Variants in NYAP2 observed in about 807,000 individuals in gnomAD.
NYAP2 encodes the protein neuronal tyrosine-phosphorylated phosphoinositide-3-kinase adaptor 2.
In NYAP2, 23 loss-of-function variants were observed where a neutral mutation model predicts 50.4. That is an observed-to-expected ratio of 0.46 (90% confidence interval 0.33 to 0.65). The LOEUF (loss-of-function observed/expected upper bound fraction) is 0.65, where lower values mean the gene tolerates loss of function less well. Ranked by LOEUF, NYAP2 falls within the 30% of genes least tolerant of loss-of-function variation. NYAP2 has a pLI of 0.02. For missense variants in NYAP2, 885 were observed against 861.0 expected (o/e 1.03, Z -0.35); for synonymous variants, 394 against 365.2 (o/e 1.08, Z -0.90).
rs138082735 is a variant in NYAP2 at position 225,410,892 on chromosome 2, G to C, written c.221+1791G>C. On this transcript the variant is annotated intron_variant, in intron 3 of 6. Coordinates refer to ENST00000636099, the Ensembl canonical transcript of NYAP2. ...GTAGACGGAGACACAGCAAAACCCT[G>C]TCATTACATAATAAGTGAGGTCTAA... Among the ~76,000 whole-genome samples the C allele has an allele frequency of 5.9e-5, 9 of 152,228 alleles. No individual in the cohort carries two copies. In the East Asian group the frequency reaches 1.7e-3, roughly 29 times the overall value.
chr2:225,624,386 A>G (rs1327900206), intron 5 of NYAP2, among the ~76,000 whole-genome samples: 1 of 152,172 alleles, frequency 6.6e-6, no homozygotes, highest in Non-Finnish European at 1.5e-5. Context: ...AAAGGTGTAT[A>G]TTTACTTTTC....
intron 4 of NYAP2, among the ~76,000 whole-genome samples, chr2:225,576,987 C>G (rs1186706461): frequency 2.0e-5 from 3 of 151,540 alleles, no homozygotes; most frequent in South Asian, 2.1e-4. Context: ...TCAAGAACAC[C>G]TACAGATACT....
chr2:225,554,533 G>T (rs571974156), intron 4 of NYAP2, among the ~76,000 whole-genome samples: 2 of 151,646 alleles, frequency 1.3e-5, no homozygotes, highest in Non-Finnish European at 2.9e-5. Context: ...CATGTTGGTC[G>T]GGCTGATCTT....
chr2:225,583,766 C>T (rs1692341332), intron 5 of NYAP2, among the ~76,000 whole-genome samples: 1 of 152,154 alleles, frequency 6.6e-6, no homozygotes, highest in African/African-American at 2.4e-5. Flanking sequence ...TGAGGCCAGG[C>T]ATGGTGGCTC....
chr2:225,571,878 A>G (rs189476445), intron 4 of NYAP2, among the ~76,000 whole-genome samples: 2 of 152,290 alleles, frequency 1.3e-5, no homozygotes, highest in East Asian at 3.9e-4. Flanking sequence ...CAGATTTTCC[A>G]AACTTTTATT....
chr2:225,636,648 C>T (rs1693422221), intron 6 of NYAP2, among the ~76,000 whole-genome samples: 1 of 152,138 alleles, frequency 6.6e-6, no homozygotes, highest in South Asian at 2.1e-4. Context: ...TTTCCCATCC[C>T]TTGAATCTGG....
intron 3 of NYAP2, among the ~76,000 whole-genome samples, chr2:225,502,810 C>T (rs1690630706): frequency 6.6e-6 from 1 of 152,190 alleles, no homozygotes; most frequent in African/African-American, 2.4e-5. Context: ...GAGAGAACAT[C>T]TGATCACAAG....
intron 3 of NYAP2, among the ~76,000 whole-genome samples, chr2:225,465,543 C>T (rs979047746): frequency 2.6e-5 from 4 of 152,096 alleles, no homozygotes; most frequent in Non-Finnish European, 4.4e-5. Context: ...AGTGAAACCC[C>T]GTCTCTACTA....
At chr2:225,609,409 C>T (rs1251507905) in intron 5 of NYAP2, among the ~76,000 whole-genome samples, 2 of 152,136 alleles carry the variant, frequency 1.3e-5, no homozygotes, top group Non-Finnish European at 2.9e-5. Flanking sequence ...CAGCTTTCCT[C>T]TTGCCATTTC....
At chr2:225,509,175 C>A (rs1690765563) in intron 3 of NYAP2, among the ~76,000 whole-genome samples, 1 of 152,176 alleles carries the variant, frequency 6.6e-6, no homozygotes, top group South Asian at 2.1e-4. Flanking sequence ...GGTGGAGAGA[C>A]TAATCTCTCA....
exon 5 of NYAP2, chr2:225,583,025 G>A (rs758201076): frequency 1.9e-6 from 3 of 1,610,344 alleles, no homozygotes; most frequent in Non-Finnish European, 2.5e-6. Context: ...GCTCCAAAGA[G>A]CCTGCAGAGA....
chr2:225,531,970 T>A (rs1404447225), intron 4 of NYAP2, among the ~76,000 whole-genome samples: 1 of 152,268 alleles, frequency 6.6e-6, no homozygotes, highest in Admixed American at 6.5e-5. Context: ...TCTTTTACTT[T>A]ATCCAAATAA....
chr2:225,524,361 A>G (rs1691117190), intron 4 of NYAP2, among the ~76,000 whole-genome samples: 1 of 152,180 alleles, frequency 6.6e-6, no homozygotes, highest in African/African-American at 2.4e-5. Context: ...GTCCTTCCAC[A>G]TTCTTCTACC....
intron 5 of NYAP2, among the ~76,000 whole-genome samples, chr2:225,602,098 C>T (rs1422543381): frequency 6.6e-6 from 1 of 152,056 alleles, no homozygotes; most frequent in Non-Finnish European, 1.5e-5. Context: ...GAAGAGGGGG[C>T]CCAAAAGAGG....
At chr2:225,557,828 G>A (rs1244364888) in intron 4 of NYAP2, among the ~76,000 whole-genome samples, 2 of 152,190 alleles carry the variant, frequency 1.3e-5, no homozygotes, top group Non-Finnish European at 2.9e-5. Context: ...CTGATTGCCA[G>A]GGTCTACAAT....
intron 4 of NYAP2, among the ~76,000 whole-genome samples, chr2:225,543,949 G>A (rs1574669065): frequency 6.6e-6 from 1 of 151,980 alleles, no homozygotes; most frequent in African/African-American, 2.4e-5. Flanking sequence ...AGGATTAGGT[G>A]CATATGTATT....
intron 3 of NYAP2, among the ~76,000 whole-genome samples, chr2:225,460,172 C>T (rs184715596): frequency 2.6e-5 from 4 of 152,192 alleles, no homozygotes; most frequent in Admixed American, 1.3e-4. Context: ...TTATCTATCA[C>T]CCATAATATT....
chr2:225,442,563 T>C (rs1689487897), intron 3 of NYAP2, among the ~76,000 whole-genome samples: 1 of 151,868 alleles, frequency 6.6e-6, no homozygotes, highest in South Asian at 2.1e-4. Flanking sequence ...GGTTTGTATT[T>C]TATTTTATTT....
intron 4 of NYAP2, among the ~76,000 whole-genome samples, chr2:225,517,250 C>A (rs1384163668): frequency 6.6e-6 from 1 of 152,046 alleles, no homozygotes; most frequent in Non-Finnish European, 1.5e-5. Context: ...TTAATTACCC[C>A]TTTTTATTGC....
Sources: gnomAD v4.1 joint callset for allele counts (sites outside exome capture counted in the v4.1 genomes callset) on GRCh38, gnomAD v4.1.1 for gene constraint, MANE v1.5 for transcripts, NCBI Gene and HGNC (gene_info 2026-07-23, HGNC 2026-07-21) for gene names.